PSMD1: variants seen among roughly 807,000 people sequenced by gnomAD.
PSMD1 encodes 26S proteasome non-ATPase regulatory subunit 1.
Under a neutral mutation model 119.0 loss-of-function variants are expected in PSMD1, and 18 were observed. That is an observed-to-expected ratio of 0.15 (90% CI 0.10 to 0.22). The LOEUF is 0.22. PSMD1 is among the 10% of genes least tolerant of loss of function. PSMD1 has a pLI of 1.00. For missense variants in PSMD1, 702 were observed against 1,158.5 expected, an observed-to-expected ratio of 0.61 and a Z score of 5.72; for synonymous variants, 374 against 396.6, an observed-to-expected ratio of 0.94 and a Z score of 0.68.
At chr2:231,090,854 G>A (rs1694571910) in intron 16 of PSMD1, among the ~76,000 whole-genome samples, 1 of 152,230 alleles carries the variant, frequency 6.6e-6, no homozygotes, top group Non-Finnish European at 1.5e-5. Context: ...CTGAAGATGT[G>A]ACTGATAAAA....
intron 1 of PSMD1, among the ~76,000 whole-genome samples, chr2:231,059,540 G>A (rs1277172370): frequency 6.6e-6 from 1 of 152,060 alleles, no homozygotes; most frequent in Non-Finnish European, 1.5e-5. Context: ...AAATTGAGTG[G>A]GTTGGTGTTT....
At chr2:231,113,706 A>C (rs774316509) in intron 16 of PSMD1, 2 of 1,600,880 alleles carry the variant, frequency 1.2e-6, no homozygotes, top group South Asian at 2.2e-5. Flanking sequence ...TATACCACCC[A>C]CACTCTGGCA....
chr2:231,057,184 C>A, intron 1 of PSMD1, 143 bp downstream of exon 1: 3 of 1,066,602 alleles, frequency 2.8e-6, no homozygotes, highest in Non-Finnish European at 3.8e-6. Context: ...ACCCCCGGGC[C>A]GGGGGGCTGG....
chr2:231,156,901 A>G (rs922311305), intron 19 of PSMD1, among the ~76,000 whole-genome samples: 2 of 152,202 alleles, frequency 1.3e-5, no homozygotes, highest in Admixed American at 1.3e-4. Flanking sequence ...ATGCTGTACT[A>G]TAGATCTCCT....
chr2:231,124,114 A>G (rs1574753902), intron 16 of PSMD1: 1 of 260,004 alleles, frequency 3.8e-6, no homozygotes, highest in Non-Finnish European at 7.5e-6. Flanking sequence ...TTGAACTTGC[A>G]TGCCAGAGAG....
At chr2:231,095,460 T>A (rs1694700796) in intron 16 of PSMD1, among the ~76,000 whole-genome samples, 1 of 152,216 alleles carries the variant, frequency 6.6e-6, no homozygotes, top group African/African-American at 2.4e-5. Context: ...CAGAGGCATA[T>A]AAACTTAAAT....
rs1196096878 is a variant in PSMD1, at chr2:231,117,286, A to G, written c.1884-21450A>G. Among the ~76,000 whole-genome samples, 3 of 152,206 alleles carry G rather than the reference A, an allele frequency of 2.0e-5. No homozygotes were observed. The East Asian group carries it at 5.8e-4, about 29-fold the overall frequency. On this transcript the variant is annotated intron_variant, in intron 16 of 24. Transcript: ENST00000308696. ...AATGTATTCTGTCCAATATACTTCC[A>G]CAAAGACTTAAGACATTGAAAATTT...
chr2:231,140,495 C>T, intron 17 of PSMD1, among the ~76,000 whole-genome samples: 1 of 48,476 alleles, frequency 2.1e-5, no homozygotes, highest in East Asian at 6.6e-4. Flanking sequence ...GACTCCATCT[C>T]AAAAAAAAAA....
At chr2:231,086,989 CAT>C in intron 15 of PSMD1, 126 bp from the exon 16 acceptor site, 1 of 636,644 alleles carries the variant, frequency 1.6e-6, no homozygotes, top group Non-Finnish European at 2.8e-6. Context: ...AGGTGTGCAA[CAT>C]AATGTTTTGA....
At chr2:231,087,059 C>A in intron 15 of PSMD1, 58 bp from the exon 16 acceptor site, 1 of 1,422,258 alleles carries the variant, frequency 7.0e-7, no homozygotes, top group Non-Finnish European at 9.9e-7. Context: ...CCTCTCATGT[C>A]AGTTTGGTCT....
At chr2:231,115,216 G>A (rs1262643052) in intron 16 of PSMD1, among the ~76,000 whole-genome samples, 1 of 151,928 alleles carries the variant, frequency 6.6e-6, no homozygotes, top group Non-Finnish European at 1.5e-5. Flanking sequence ...ATAATTTAGG[G>A]GCAGAGTTTT....
chr2:231,148,617 AGT>A (rs1696301477), intron 18 of PSMD1, among the ~76,000 whole-genome samples: 1 of 152,226 alleles, frequency 6.6e-6, no homozygotes, highest in African/African-American at 2.4e-5. Flanking sequence ...GATAAATGTA[AGT>A]GTATATACCA....
chr2:231,085,192 A>G, intron 15 of PSMD1, 78 bp downstream of exon 15: 1 of 1,172,092 alleles, frequency 8.5e-7, no homozygotes, highest in East Asian at 2.4e-5. Context: ...AGGTGACTCC[A>G]GCATCCACAG....
chr2:231,136,854 G>C (rs1485398369), intron 16 of PSMD1, among the ~76,000 whole-genome samples: 1 of 150,336 alleles, frequency 6.7e-6, no homozygotes, highest in Non-Finnish European at 1.5e-5. Flanking sequence ...CCTGACCACT[G>C]TTACCTCTTT....
intron 5 of PSMD1, among the ~76,000 whole-genome samples, chr2:231,067,485 G>A (rs901062440): frequency 6.6e-6 from 1 of 152,128 alleles, no homozygotes; most frequent in African/African-American, 2.4e-5. Context: ...AACCGAAGTG[G>A]TCAGAAAGGT....
intron 16 of PSMD1, among the ~76,000 whole-genome samples, chr2:231,134,214 T>TAAACTAGGTTTTA (rs1157982195): frequency 3.3e-5 from 5 of 152,226 alleles, no homozygotes; most frequent in Non-Finnish European, 7.3e-5. Context: ...CTTTACATGA[T>TAAACTAGGTTTTA]AATTGTATAA....
chr2:231,123,510 CA>C (rs1265070581), intron 16 of PSMD1: 5 of 1,614,050 alleles, frequency 3.1e-6, no homozygotes, highest in Non-Finnish European at 4.2e-6. Flanking sequence ...TAGCATACTG[CA>C]GCTTCTTCTC....
chr2:231,129,077 C>G (rs765318455), intron 16 of PSMD1, among the ~76,000 whole-genome samples: 1 of 152,144 alleles, frequency 6.6e-6, no homozygotes, highest in Non-Finnish European at 1.5e-5. Flanking sequence ...TCTGCATGTC[C>G]TCAGTAATCA....
At position 231,075,468 on chromosome 2, in the gene PSMD1, T is replaced by C. The variant is rs368324348; in HGVS notation, c.882-43T>C. ...GTTCAGATCTGTGGTATAAACAAAT[T>C]GTACTTCTCTTCAGAAAAAATTATT... On this transcript the variant is annotated intron_variant, in intron 7 of 24. Transcript: ENST00000308696. 1.9e-6 allele frequency: 3 copies of C among 1,570,742 alleles called. No individual in the cohort carries two copies. The African/African-American group carries it at 4.1e-5, about 21-fold the overall frequency.
Sources: allele counts gnomAD v4.1 joint callset (sites outside exome capture counted in the v4.1 genomes callset), GRCh38; gene constraint gnomAD v4.1.1; transcripts MANE v1.5; gene names NCBI Gene and HGNC (gene_info 2026-07-23, HGNC 2026-07-21).